NKIRAS2: variants seen among roughly 807,000 people sequenced by gnomAD.
NKIRAS2 encodes NF-kappa-B inhibitor-interacting Ras-like protein 2.
A neutral mutation model predicts 20.7 loss-of-function variants in NKIRAS2; 15 were observed. The ratio of observed to expected loss-of-function variants is 0.73; its 90% CI spans 0.49 to 1.12. NKIRAS2 has a LOEUF of 1.12. Among genes scored for constraint, NKIRAS2 ranks in the 50% most tolerant of loss-of-function variants. The probability of loss-of-function intolerance (pLI) is 0.00; values close to 1 mark genes in which losing one functional copy is unlikely to be tolerated. For missense variants in NKIRAS2, 196 were observed against 249.6 expected (o/e 0.79, Z 1.45); for synonymous variants, 116 against 101.4 (o/e 1.14, Z -0.87).
At chr17:42,017,748 TAG>T (rs1396654730), upstream of NKIRAS2, 60 of 397,794 alleles carry the variant, frequency 1.5e-4, no homozygotes, top group African/African-American at 1.2e-3. Flanking sequence ...CTTCCAATCC[TAG>T]AGAGTCTTCC....
rs2052457184 is a variant in NKIRAS2, at chr17:42,021,791, A to G, written c.94+120A>G. Reference sequence around the variant, plus strand: ...GTGGTTTTCCCCCCTGGAAGAATAAAACTTACATTGTAACAGATCAACTCT... The same window carrying G: ...GTGGTTTTCCCCCCTGGAAGAATAAGACTTACATTGTAACAGATCAACTCT... On this transcript the variant is annotated intron_variant, in intron 2 of 3. Coordinates refer to ENST00000393885, the MANE Select transcript of NKIRAS2 (RefSeq NM_017595.6). 4 of 911,808 alleles carry G rather than the reference A, an allele frequency of 4.4e-6. No individual in the cohort carries two copies. The East Asian group carries it at 9.6e-5, about 22-fold the overall frequency. The allele number at this position is 911,808 out of a possible 1,614,324, so 56.5% of individuals were successfully genotyped here.
chr17:42,019,403 G>C (rs1279447471), upstream of NKIRAS2, among the ~76,000 whole-genome samples: 2 of 152,152 alleles, frequency 1.3e-5, no homozygotes, highest in African/African-American at 4.8e-5. Flanking sequence ...CTTCCTCAGG[G>C]ACTGATCATG....
chr17:42,021,329 G>A (rs2052442736), intron 1 of NKIRAS2: 1 of 473,108 alleles, frequency 2.1e-6, no homozygotes, highest in African/African-American at 2.0e-5. Flanking sequence ...TTACCATCCA[G>A]TAGTAGACAT....
Position 42,025,226 on chromosome 17 carries a change from T to G in NKIRAS2, c.*1333T>G, listed in dbSNP as rs1376374692. ...CAGAGCTGGACTTCTATTTATAAGT[T>G]ACCTGTATTTATATTTATATGCCCG... On this transcript the variant is annotated 3_prime_UTR_variant, in exon 4 of 4. Transcript: ENST00000393885. 1.3e-5 allele frequency: 2 copies of G among 152,598 alleles called. No homozygotes were observed. Among genetic ancestry groups the G allele is most frequent in the Admixed American group, 6.5e-5 (1 of 15,280 alleles). 9.5% of individuals were successfully genotyped at this position (152,598 alleles called of 1,614,324 possible).
chr17:42,021,498 T>C (rs943377600), intron 1 of NKIRAS2, 66 bp from the exon 2 acceptor site: 117 of 1,343,824 alleles, frequency 8.7e-5, no homozygotes, highest in Non-Finnish European at 1.2e-4. Context: ...AAACATCTGC[T>C]AGTAACTGCC....
In NKIRAS2 at chr17:42,021,531, C is replaced by G. The variant is rs372569068; in HGVS notation, c.-14-33C>G. ...GCCTTCTGTGTTGATGCTTTCTTTCCTCACCTTACCCAGCGTGCTTCTGTT... is the reference window on the plus strand; with the variant it reads ...GCCTTCTGTGTTGATGCTTTCTTTCGTCACCTTACCCAGCGTGCTTCTGTT... On this transcript the variant is annotated intron_variant, in intron 1 of 3. Transcript: ENST00000393885. 130 of 1,575,028 alleles carry G rather than the reference C, an allele frequency of 8.3e-5. No individual in the cohort carries two copies. Among genetic ancestry groups the G allele is most frequent in the Non-Finnish European group, 1.1e-4 (123 of 1,144,944 alleles).
chr17:42,023,508 C>A, intron 3 of NKIRAS2, 146 bp from the exon 4 acceptor site: 1 of 743,704 alleles, frequency 1.3e-6, no homozygotes, highest in Non-Finnish European at 2.2e-6. Context: ...TCCTTCCCCA[C>A]AATGAGTGGT....
chr17:42,017,586 G>A (rs1343949532), upstream of NKIRAS2: 2 of 805,876 alleles, frequency 2.5e-6, no homozygotes, highest in South Asian at 3.6e-5. Flanking sequence ...GGATGTCCAC[G>A]GTGGTCTCCG....
At chr17:42,019,384 CA>C (rs1312946064), upstream of NKIRAS2, among the ~76,000 whole-genome samples, 1 of 152,204 alleles carries the variant, frequency 6.6e-6, no homozygotes, top group African/African-American at 2.4e-5. Context: ...CCTCTTCTGC[CA>C]GAGTGACCTT....
chr17:42,018,992 G>A (rs1218944920), upstream of NKIRAS2, among the ~76,000 whole-genome samples: 6 of 152,306 alleles, frequency 3.9e-5, no homozygotes, highest in African/African-American at 1.4e-4. Context: ...TTGTTAAATG[G>A]ATTAAACCAT....
chr17:42,022,266 C>G, intron 2 of NKIRAS2, 133 bp from the exon 3 acceptor site: 1 of 869,688 alleles, frequency 1.1e-6, no homozygotes. Context: ...TCAGTCCTGC[C>G]AGGCTGTCAA....
At chr17:42,021,796 A>G in intron 2 of NKIRAS2, 125 bp downstream of exon 2, 1 of 874,178 alleles carries the variant, frequency 1.1e-6, no homozygotes, top group Non-Finnish European at 2.0e-6. Context: ...AATAAAACTT[A>G]CATTGTAACA....
chr17:42,017,914 T>C (rs1555652276), upstream of NKIRAS2, among the ~76,000 whole-genome samples: 2 of 152,038 alleles, frequency 1.3e-5, no homozygotes, highest in African/African-American at 4.8e-5. Context: ...TTCCCCCAGC[T>C]TTCATCGTTC....
upstream of NKIRAS2, chr17:42,017,735 C>T (rs781987145): frequency 1.3e-5 from 6 of 466,542 alleles, no homozygotes; most frequent in Non-Finnish European, 2.3e-5. Context: ...ATTGCCATAG[C>T]AACTTCCAAT....
intron 2 of NKIRAS2, 121 bp from the exon 3 acceptor site, chr17:42,022,278 T>C: frequency 1.0e-6 from 1 of 1,000,348 alleles, no homozygotes. Context: ...GGCTGTCAAT[T>C]CTCTGGCCTC....
At position 42,025,397 on chromosome 17, in the gene NKIRAS2, C is replaced by G. The variant is rs954171137; in HGVS notation, c.*1504C>G. ...CTCAGGAGGGTGGGCACACACCCAG[C>G]GGCCTGCAGAGTAAGCTTATTACCC... On this transcript the variant is annotated 3_prime_UTR_variant, in exon 4 of 4. Transcript: ENST00000393885. 3.3e-5 allele frequency: 5 copies of G among 152,648 alleles called. No individual in the cohort carries two copies. The highest frequency in any genetic ancestry group is 1.2e-4 in the African/African-American group (5 of 41,414). 9.5% of individuals were successfully genotyped at this position (152,648 alleles called of 1,614,324 possible).
intron 3 of NKIRAS2, chr17:42,023,092 TC>T: frequency 2.8e-6 from 1 of 359,682 alleles, no homozygotes; most frequent in East Asian, 9.2e-5. Context: ...AGCCTCAACC[TC>T]CCAAGGCTTA....
At chr17:42,023,116 G>C (rs990396887) in intron 3 of NKIRAS2, 6 of 337,026 alleles carry the variant, frequency 1.8e-5, no homozygotes, top group Non-Finnish European at 3.7e-5. Flanking sequence ...TGGTCCTCCT[G>C]CCTCAGCCCC....
In NKIRAS2 at chr17:42,021,557, C is replaced by G; in HGVS notation, c.-14-7C>G. Reference sequence around the variant, plus strand: ...TCACCTTACCCAGCGTGCTTCTGTTCTTCAAGGTTGAAAACTAAGCATGGG... The same window carrying G: ...TCACCTTACCCAGCGTGCTTCTGTTGTTCAAGGTTGAAAACTAAGCATGGG... On this transcript the variant is annotated splice_polypyrimidine_tract_variant and splice_region_variant and intron_variant, in intron 1 of 3. Transcript: ENST00000393885. 1 of 1,612,428 alleles carries G rather than the reference C, an allele frequency of 6.2e-7. No homozygotes were observed. Among genetic ancestry groups the G allele is most frequent in the Non-Finnish European group, 8.5e-7 (1 of 1,178,508 alleles).
Sources: allele counts gnomAD v4.1 joint callset (sites outside exome capture counted in the v4.1 genomes callset), GRCh38; gene constraint gnomAD v4.1.1; transcripts MANE v1.5; gene names NCBI Gene and HGNC (gene_info 2026-07-23, HGNC 2026-07-21).